Variants in ELMO1 observed in about 807,000 individuals in gnomAD.
ELMO1 encodes engulfment and cell motility 1, also known as engulfment and cell motility protein 1.
ELMO1 carries 26 observed loss-of-function variants against 98.9 expected under a neutral mutation model. That is an observed-to-expected ratio of 0.26 (90% confidence interval 0.19 to 0.36). ELMO1 has a LOEUF of 0.36. Ranked by LOEUF, ELMO1 falls within the 10% of genes least tolerant of loss-of-function variation. ELMO1 has a pLI of 1.00. For missense variants in ELMO1, 627 were observed against 935.2 expected (o/e 0.67, Z 4.30); for synonymous variants, 346 against 346.0 (o/e 1.00, Z 0.00).
intron 14 of ELMO1, among the ~76,000 whole-genome samples, chr7:37,106,915 A>G (rs1784979311): frequency 6.6e-6 from 1 of 152,168 alleles, no homozygotes; most frequent in Non-Finnish European, 1.5e-5. Flanking sequence ...CTGACTCAGT[A>G]GGTGTGGGTT....
At chr7:37,205,155 C>T (rs1331868423) in intron 13 of ELMO1, among the ~76,000 whole-genome samples, 1 of 152,204 alleles carries the variant, frequency 6.6e-6, no homozygotes, top group Admixed American at 6.5e-5. Flanking sequence ...CTGGGATTCT[C>T]CTCTCCATAG....
chr7:37,073,242 G>C (rs902062262), intron 15 of ELMO1, among the ~76,000 whole-genome samples: 3 of 152,112 alleles, frequency 2.0e-5, no homozygotes, highest in Non-Finnish European at 4.4e-5. Flanking sequence ...GCCCTTGAAG[G>C]ATATTTTAAG....
intron 1 of ELMO1, among the ~76,000 whole-genome samples, chr7:37,384,470 C>T (rs1485359046): frequency 5.9e-5 from 9 of 152,074 alleles, no homozygotes. Flanking sequence ...CCTGTAATCC[C>T]AGCACTTTGG....
In ELMO1 at chr7:36,857,060, T is replaced by C. The variant is rs539202136; in HGVS notation, c.1984-1309A>G. 9.2e-5 allele frequency among the ~76,000 whole-genome samples: 14 copies of C among 152,284 alleles called. No homozygotes were observed. In the East Asian group the frequency reaches 2.5e-3, roughly 27 times the overall value. ...TGATGGAAATCTTCCGTGATGCACA[T>C]CAGCGGTCCTCCTTTTTAAGCTGAG... On this transcript the variant is annotated intron_variant, in intron 21 of 21. Coordinates refer to ENST00000310758, the MANE Select transcript of ELMO1 (RefSeq NM_014800.11).
intron 16 of ELMO1, among the ~76,000 whole-genome samples, chr7:36,912,429 A>C (rs191841741): frequency 3.4e-4 from 52 of 152,346 alleles, no homozygotes; most frequent in Admixed American, 8.5e-4. Flanking sequence ...TATCTCCAAC[A>C]TGAGTACTGA....
chr7:37,292,738 G>C (rs1199766852), intron 4 of ELMO1, among the ~76,000 whole-genome samples: 2 of 11,660 alleles, frequency 1.7e-4, no homozygotes, highest in Admixed American at 9.5e-4. Flanking sequence ...GAGGGAGGTG[G>C]GGGGGTCAGC....
At chr7:37,047,432 G>A (rs1321797005) in intron 15 of ELMO1, among the ~76,000 whole-genome samples, 2 of 152,216 alleles carry the variant, frequency 1.3e-5, no homozygotes, top group African/African-American at 4.8e-5. Flanking sequence ...AGTTAAGGCT[G>A]GGCTCATTTC....
chr7:37,216,322 AG>A (rs1407654594), intron 11 of ELMO1, among the ~76,000 whole-genome samples: 1 of 151,996 alleles, frequency 6.6e-6, no homozygotes, highest in African/African-American at 2.4e-5. Context: ...AAACCTCATC[AG>A]GGTGAATCTT....
intron 1 of ELMO1, among the ~76,000 whole-genome samples, chr7:37,448,310 C>T (rs377506880): frequency 6.6e-6 from 1 of 151,828 alleles, no homozygotes; most frequent in African/African-American, 2.4e-5. Flanking sequence ...CGCGCCCCCC[C>T]TCCCGCAGAC....
intron 1 of ELMO1, among the ~76,000 whole-genome samples, chr7:37,422,207 G>C (rs575853344): frequency 6.6e-6 from 1 of 152,110 alleles, no homozygotes; most frequent in Non-Finnish European, 1.5e-5. Flanking sequence ...TACAAAAAGC[G>C]GGCAAACAAT....
intron 13 of ELMO1, among the ~76,000 whole-genome samples, chr7:37,156,391 T>G (rs1788767579): frequency 1.3e-5 from 2 of 152,196 alleles, no homozygotes; most frequent in African/African-American, 4.8e-5. Flanking sequence ...GAGCTGGTTT[T>G]TTGAAAAGAT....
chr7:37,069,194 A>G (rs888036594), intron 15 of ELMO1, among the ~76,000 whole-genome samples: 3 of 152,180 alleles, frequency 2.0e-5, no homozygotes, highest in Non-Finnish European at 4.4e-5. Flanking sequence ...AGGGTTGGCC[A>G]GTAAGCCCCT....
chr7:37,169,539 C>T (rs1789999623), intron 13 of ELMO1, among the ~76,000 whole-genome samples: 1 of 152,210 alleles, frequency 6.6e-6, no homozygotes, highest in Non-Finnish European at 1.5e-5. Flanking sequence ...CAAATTGAGT[C>T]ACTTTAGATG....
intron 16 of ELMO1, among the ~76,000 whole-genome samples, chr7:36,928,012 T>G (rs994478685): frequency 4.6e-5 from 7 of 152,222 alleles, no homozygotes; most frequent in African/African-American, 1.7e-4. Context: ...ATCCAAAATT[T>G]ATCGCTTTGT....
intron 1 of ELMO1, among the ~76,000 whole-genome samples, chr7:37,432,902 T>C (rs1331338019): frequency 1.3e-5 from 2 of 152,372 alleles, no homozygotes; most frequent in Middle Eastern, 3.4e-3. Flanking sequence ...GAATTATAAG[T>C]AGACAAGCAA....
At chr7:37,101,347 A>G (rs575918521) in intron 14 of ELMO1, among the ~76,000 whole-genome samples, 1 of 152,320 alleles carries the variant, frequency 6.6e-6, no homozygotes, top group South Asian at 2.1e-4. Context: ...TAACTAAGTG[A>G]GTTACAGAGA....
chr7:36,904,442 A>G (rs1031215285), intron 16 of ELMO1, among the ~76,000 whole-genome samples: 3 of 152,098 alleles, frequency 2.0e-5, no homozygotes, highest in Admixed American at 6.5e-5. Context: ...TCATAATCCA[A>G]AACAGGAGTG....
At chr7:37,347,186 AAATTT>A (rs1801048112) in intron 1 of ELMO1, among the ~76,000 whole-genome samples, 1 of 152,234 alleles carries the variant, frequency 6.6e-6, no homozygotes, top group South Asian at 2.1e-4. Flanking sequence ...TTATCCTCTT[AAATTT>A]ATGTTTTCAC....
chr7:36,990,946 C>T (rs960679906), intron 16 of ELMO1, among the ~76,000 whole-genome samples: 10 of 152,018 alleles, frequency 6.6e-5, no homozygotes, highest in African/African-American at 2.2e-4. Context: ...TTCCATTTAC[C>T]GGGCACTAAG....
Sources: gnomAD v4.1 joint callset for allele counts (sites outside exome capture counted in the v4.1 genomes callset) on GRCh38, gnomAD v4.1.1 for gene constraint, MANE v1.5 for transcripts, NCBI Gene and HGNC (gene_info 2026-07-23, HGNC 2026-07-21) for gene names.